B3GALT1: variants seen among roughly 807,000 people sequenced by gnomAD.
B3GALT1 encodes UDP-Gal:betaGlcNAc beta 1,3-galactosyltransferase, polypeptide 1.
B3GALT1 carries 10 observed loss-of-function variants against 23.2 expected under a neutral mutation model. The observed-to-expected ratio is 0.43, with a 90% CI of 0.27 to 0.73. The LOEUF (loss-of-function observed/expected upper bound fraction) is 0.73. Ranked by LOEUF, B3GALT1 falls within the 30% of genes least tolerant of loss-of-function variation. The pLI is 0.21. For synonymous variants in B3GALT1, 156 were observed against 141.5 expected (o/e 1.10, Z -0.73); for missense variants, 299 against 405.4 (o/e 0.74, Z 2.25).
At chr2:167,442,247 A>G (rs942306881) in intron 1 of B3GALT1, among the ~76,000 whole-genome samples, 1 of 152,062 alleles carries the variant, frequency 6.6e-6, no homozygotes. Flanking sequence ...CATGGTGTAT[A>G]TGTGCCACAT....
chr2:167,640,705 A>AT (rs766320215), intron 2 of B3GALT1, among the ~76,000 whole-genome samples: 13 of 152,262 alleles, frequency 8.5e-5, no homozygotes, highest in Non-Finnish European at 1.8e-4. Flanking sequence ...ACTCTAAAAA[A>AT]TGAGGCATAT....
intron 2 of B3GALT1, among the ~76,000 whole-genome samples, chr2:167,620,219 G>A (rs1292901296): frequency 2.0e-5 from 3 of 152,080 alleles, no homozygotes; most frequent in Non-Finnish European, 4.4e-5. Context: ...GTGAGAGACT[G>A]CAGGTAGGGA....
At chr2:167,565,932 A>G (rs1292730022) in intron 2 of B3GALT1, among the ~76,000 whole-genome samples, 1 of 152,078 alleles carries the variant, frequency 6.6e-6, no homozygotes, top group Non-Finnish European at 1.5e-5. Context: ...CCATTGTGGA[A>G]GTCAGTGTGG....
intron 1 of B3GALT1, among the ~76,000 whole-genome samples, chr2:167,467,107 A>G (rs1699359947): frequency 2.1e-5 from 3 of 146,152 alleles, no homozygotes; most frequent in Admixed American, 6.9e-5. Flanking sequence ...TTTGTCTACA[A>G]TTTTTTTTTT....
chr2:167,337,735 T>C (rs1394916045), intron 1 of B3GALT1, among the ~76,000 whole-genome samples: 1 of 152,178 alleles, frequency 6.6e-6, no homozygotes, highest in Non-Finnish European at 1.5e-5. Flanking sequence ...CTTACAGCCA[T>C]GTAAAACTAA....
intron 2 of B3GALT1, among the ~76,000 whole-genome samples, chr2:167,632,578 G>T (rs1282608785): frequency 1.3e-5 from 2 of 151,850 alleles, no homozygotes; most frequent in Non-Finnish European, 1.5e-5. Flanking sequence ...ATGTTTGTTG[G>T]CTGCATAAAT....
intron 1 of B3GALT1, among the ~76,000 whole-genome samples, chr2:167,447,825 C>T (rs192461933): frequency 2.0e-5 from 3 of 152,236 alleles, no homozygotes; most frequent in Admixed American, 6.5e-5. Flanking sequence ...GAGGCGATGC[C>T]TCACCCCACT....
intron 2 of B3GALT1, among the ~76,000 whole-genome samples, chr2:167,512,546 GTATATATA>G (rs201554463): frequency 2.2e-4 from 18 of 80,224 alleles, no homozygotes; most frequent in East Asian, 3.5e-4. Context: ...ATATATATAT[GTATATATA>G]TGTATATATA....
chr2:167,330,444 A>C (rs1696956070), intron 1 of B3GALT1, among the ~76,000 whole-genome samples: 1 of 152,140 alleles, frequency 6.6e-6, no homozygotes, highest in Non-Finnish European at 1.5e-5. Context: ...CTGTCTCTAC[A>C]AAAAATATTT....
chr2:167,655,876 T>C (rs545610194), intron 3 of B3GALT1, among the ~76,000 whole-genome samples: 1 of 152,274 alleles, frequency 6.6e-6, no homozygotes, highest in East Asian at 1.9e-4. Flanking sequence ...TGATCAAATG[T>C]CAGCAAACTA....
At chr2:167,562,396 C>G (rs908660975) in intron 2 of B3GALT1, among the ~76,000 whole-genome samples, 3 of 152,144 alleles carry the variant, frequency 2.0e-5, no homozygotes, top group Non-Finnish European at 4.4e-5. Context: ...AAAACTGGCA[C>G]AAGACAGGGT....
intron 3 of B3GALT1, among the ~76,000 whole-genome samples, chr2:167,749,585 G>GC (rs1687701901): frequency 6.6e-6 from 1 of 152,112 alleles, no homozygotes; most frequent in African/African-American, 2.4e-5. Context: ...TGCCCTGAGG[G>GC]ATCAACTTTT....
At chr2:167,399,331 A>T (rs1363162162) in intron 1 of B3GALT1, among the ~76,000 whole-genome samples, 2 of 152,158 alleles carry the variant, frequency 1.3e-5, no homozygotes, top group Non-Finnish European at 2.9e-5. Context: ...ATAGTTGTTA[A>T]TTTATAGGAT....
At chr2:167,594,816 G>A (rs904995073) in intron 2 of B3GALT1, among the ~76,000 whole-genome samples, 5 of 152,100 alleles carry the variant, frequency 3.3e-5, no homozygotes, top group African/African-American at 1.2e-4. Flanking sequence ...TGAGGCAGGA[G>A]CATTGCTTGC....
At chr2:167,392,989 C>T (rs1450473949) in intron 1 of B3GALT1, among the ~76,000 whole-genome samples, 1 of 152,074 alleles carries the variant, frequency 6.6e-6, no homozygotes, top group East Asian at 1.9e-4. Flanking sequence ...AATCCCAGCA[C>T]TTTGGGAGGC....
intron 3 of B3GALT1, among the ~76,000 whole-genome samples, chr2:167,682,659 T>C (rs555927520): frequency 6.6e-6 from 1 of 152,336 alleles, no homozygotes; most frequent in South Asian, 2.1e-4. Context: ...CAGCCCAGCA[T>C]GGCTGGGGTG....
chr2:167,622,587 T>A (rs757486417), intron 2 of B3GALT1, among the ~76,000 whole-genome samples: 3 of 152,110 alleles, frequency 2.0e-5, no homozygotes, highest in Non-Finnish European at 2.9e-5. Flanking sequence ...GTCATAAGCA[T>A]CTTAATATGA....
In B3GALT1 at chr2:167,328,700, T is replaced by G. The variant is rs111717882; in HGVS notation, c.-511+35366T>G. Among the ~76,000 whole-genome samples, 228 of 152,292 alleles carry G rather than the reference T, an allele frequency of 1.5e-3. 2 individuals are homozygous for G. Among genetic ancestry groups the G allele is most frequent in the Non-Finnish European group, 2.7e-3 (182 of 68,022 alleles). On this transcript the variant is annotated intron_variant, in intron 1 of 4. Transcript: ENST00000392690. ...TAATTTTCTTAGTCTCTATTTTGTT[T>G]AGTACTCCTCTGATCTTCATTATTT...
At chr2:167,357,153 A>T (rs564143537) in intron 1 of B3GALT1, among the ~76,000 whole-genome samples, 144 of 152,160 alleles carry the variant, frequency 9.5e-4, no homozygotes, top group African/African-American at 3.3e-3. Context: ...TGTATAATAC[A>T]TAACAATATT....
Sources: allele counts gnomAD v4.1 joint callset (sites outside exome capture counted in the v4.1 genomes callset), GRCh38; gene constraint gnomAD v4.1.1; transcripts MANE v1.5; gene names NCBI Gene and HGNC (gene_info 2026-07-23, HGNC 2026-07-21).